Variants in LY9 observed in about 807,000 individuals in gnomAD.
LY9 encodes lymphocyte antigen 9, also known as T-lymphocyte surface antigen Ly-9.
In LY9, 59 loss-of-function variants were observed where a neutral mutation model predicts 64.6. That is an observed-to-expected ratio of 0.91 (90% CI 0.74 to 1.13). The LOEUF is 1.13. LY9 is among the 50% of genes most tolerant of loss of function. LY9 has a pLI of 0.00. For missense variants in LY9, 789 were observed against 797.2 expected (o/e 0.99, Z 0.12); for synonymous variants, 281 against 308.5 (o/e 0.91, Z 0.93).
intron 2 of LY9, chr1:160,811,359 T>C (rs542869861): frequency 6.6e-6 from 1 of 152,348 alleles, no homozygotes; most frequent in East Asian, 1.9e-4. Flanking sequence ...TCTCATAACC[T>C]CTTTAGCAAA....
chr1:160,819,854 AG>A (rs1278091898), intron 7 of LY9, among the ~76,000 whole-genome samples: 42 of 4,636 alleles, frequency 9.1e-3, no homozygotes, highest in South Asian at 0.03. Context: ...GAAGGAAGGA[AG>A]GGAGGGAGGG....
At chr1:160,814,915 C>A (rs960698545) in intron 4 of LY9, 154 bp downstream of exon 4, 3 of 638,572 alleles carry the variant, frequency 4.7e-6, no homozygotes, top group Non-Finnish European at 5.4e-6. Flanking sequence ...CCAGTTGATT[C>A]ATAGGAGGCA....
chr1:160,822,267 G>A (rs1187957093), intron 7 of LY9, among the ~76,000 whole-genome samples: 1 of 152,166 alleles, frequency 6.6e-6, no homozygotes, highest in African/African-American at 2.4e-5. Context: ...GGCTGCTGGT[G>A]AATGCGCTGA....
chr1:160,805,065 T>G (rs1666846465), intron 2 of LY9, among the ~76,000 whole-genome samples: 1 of 152,154 alleles, frequency 6.6e-6, no homozygotes, highest in Non-Finnish European at 1.5e-5. Flanking sequence ...TTTCTTTCAT[T>G]GATTCTTTGC....
chr1:160,827,373 C>T (rs926557109), intron 9 of LY9, among the ~76,000 whole-genome samples: 2 of 152,214 alleles, frequency 1.3e-5, no homozygotes, highest in Admixed American at 6.5e-5. Flanking sequence ...TACTTTGGAA[C>T]TTAACCTCTG....
At chr1:160,797,060 G>T in intron 1 of LY9, 1 of 964,636 alleles carries the variant, frequency 1.0e-6, no homozygotes, top group Non-Finnish European at 1.2e-6. Context: ...GGGCAAGGTG[G>T]CGTTTATCTG....
chr1:160,818,450 G>C lies in LY9; in HGVS notation c.1444+131G>C, dbSNP rs373376311. 2.0e-4 allele frequency: 127 copies of C among 635,496 alleles called. 3 individuals carry two copies. The South Asian group carries it at 2.5e-3, about 13-fold the overall frequency. The allele number at this position is 635,496 out of a possible 1,614,324, so 39.4% of individuals were successfully genotyped here. A position where few individuals can be genotyped will look rare whatever the true frequency, so the allele number is the denominator to read the frequency against. On this transcript the variant is annotated intron_variant, in intron 6 of 9. Coordinates refer to ENST00000263285, the MANE Select transcript of LY9 (RefSeq NM_002348.4). ...CATCTTATTTCTTCTCAGAGCAATGGGGGAGGGGTGTCAGTTGGGACTCTT... is the reference window on the plus strand; with the variant it reads ...CATCTTATTTCTTCTCAGAGCAATGCGGGAGGGGTGTCAGTTGGGACTCTT...
chr1:160,818,300 T>A lies in LY9; in HGVS notation c.1425T>A (p.Ile475=), dbSNP rs1387570710. The change falls in exon 6 of 10, where the codon ATT becomes ATA. Residue 475 remains isoleucine, a synonymous_variant. Transcript: ENST00000263285. ...LLCVGIFSWC[I]WKRKGRCSVP... ...GCGTTGGGATCTTCAGCTGGTGCAT[T>A]TGGAAGCGAAAAGGACGGTGTGAGT... The A allele has an allele frequency of 1.2e-6, 2 of 1,613,994 alleles. No homozygotes were observed. The highest frequency in any genetic ancestry group is 3.3e-5 in the Admixed American group (2 of 60,022).
At chr1:160,810,267 G>A (rs753997099) in intron 2 of LY9, 3 of 152,198 alleles carry the variant, frequency 2.0e-5, no homozygotes, top group Non-Finnish European at 2.9e-5. Flanking sequence ...GTGTGATAGG[G>A]ATGCCATAAC....
chr1:160,796,405 GTT>G, intron 1 of LY9, 94 bp downstream of exon 1: 1 of 1,435,882 alleles, frequency 7.0e-7, no homozygotes, highest in Non-Finnish European at 9.3e-7. Context: ...TTTGTTTTTT[GTT>G]TTTTTTAACG....
intron 2 of LY9, among the ~76,000 whole-genome samples, chr1:160,808,044 G>A (rs778179701): frequency 6.6e-6 from 1 of 152,134 alleles, no homozygotes; most frequent in Non-Finnish European, 1.5e-5. Flanking sequence ...AGGTTCAGTG[G>A]CCACAGCCTT....
chr1:160,816,929 C>T, intron 5 of LY9, 66 bp downstream of exon 5: 1 of 1,537,186 alleles, frequency 6.5e-7, no homozygotes. Flanking sequence ...TGCATCCTGA[C>T]TGATTCTTTA....
intron 2 of LY9, chr1:160,802,503 C>A (rs1003506452): frequency 1.0e-6 from 1 of 985,614 alleles, no homozygotes; most frequent in African/African-American, 1.7e-5. Flanking sequence ...ACCCTGCGGG[C>A]CGCGCCAGGC....
At chr1:160,796,485 T>G (rs908201682) in intron 1 of LY9, among the ~76,000 whole-genome samples, 174 bp downstream of exon 1, 2 of 152,084 alleles carry the variant, frequency 1.3e-5, no homozygotes, top group African/African-American at 4.8e-5. Context: ...CTCCACCTCC[T>G]GGGTTCAAGC....
At chr1:160,819,191 C>T in intron 6 of LY9, 130 bp from the exon 7 acceptor site, 2 of 742,196 alleles carry the variant, frequency 2.7e-6, no homozygotes, top group East Asian at 2.7e-5. Flanking sequence ...AGGGTTCATC[C>T]TCCTTCCTGA....
Position 160,825,024 on chromosome 1 carries a change from G to A in LY9, c.1899+775G>A, listed in dbSNP as rs550369555. ...AAATTCCCAGCCTGGGCAACATGGT[G>A]AAACCCTGTCTTTATAAAAAGTTCA... On this transcript the variant is annotated intron_variant, in intron 9 of 9. Coordinates refer to ENST00000263285, the MANE Select transcript of LY9 (RefSeq NM_002348.4). Among the ~76,000 whole-genome samples, 7 of 146,820 alleles carry A rather than the reference G, an allele frequency of 4.8e-5. No individual in the cohort carries two copies. In the East Asian group the frequency reaches 1.4e-3, roughly 29 times the overall value.
At chr1:160,808,920 C>T (rs1318435753) in intron 2 of LY9, among the ~76,000 whole-genome samples, 14 of 152,042 alleles carry the variant, frequency 9.2e-5, no homozygotes, top group Non-Finnish European at 1.3e-4. Context: ...CACCTAATTC[C>T]ATATACACAG....
intron 9 of LY9, chr1:160,824,465 T>C: frequency 1.0e-6 from 1 of 984,976 alleles, no homozygotes; most frequent in Non-Finnish European, 1.2e-6. Flanking sequence ...ATTGATTTAA[T>C]AATATCTTAT....
intron 1 of LY9, among the ~76,000 whole-genome samples, chr1:160,798,025 G>T (rs1365218903): frequency 1.3e-5 from 2 of 152,060 alleles, no homozygotes; most frequent in Non-Finnish European, 2.9e-5. Flanking sequence ...TTTATTATTT[G>T]TCCTACGGTG....
Sources: gnomAD v4.1 joint callset for allele counts (sites outside exome capture counted in the v4.1 genomes callset) on GRCh38, gnomAD v4.1.1 for gene constraint, MANE v1.5 for transcripts, NCBI Gene and HGNC (gene_info 2026-07-23, HGNC 2026-07-21) for gene names.